TOP6BL: variants seen among roughly 807,000 people sequenced by gnomAD.
The protein encoded by TOP6BL is TOP6B like initiator of meiotic double strand breaks.
At chr11:66,791,716 AT>A in the TOP6BL span, among the ~76,000 whole-genome samples, 2 of 152,098 alleles carry the variant, frequency 1.3e-5, no homozygotes, top group African/African-American at 4.8e-5. Flanking sequence ...AAATAAGTAA[AT>A]TCACTGCTTC....
the TOP6BL span, among the ~76,000 whole-genome samples, chr11:66,758,721 G>A: frequency 6.6e-6 from 1 of 152,214 alleles, no homozygotes; most frequent in Non-Finnish European, 1.5e-5. Context: ...ATTACTAGCT[G>A]CAATTTGCAG....
the TOP6BL span, among the ~76,000 whole-genome samples, chr11:66,773,460 T>G: frequency 6.6e-6 from 1 of 152,204 alleles, no homozygotes; most frequent in African/African-American, 2.4e-5. Context: ...TTTTCCTTAT[T>G]ATCTTTCTAA....
At chr11:66,823,154 C>T in the TOP6BL span, among the ~76,000 whole-genome samples, 28 of 151,868 alleles carry the variant, frequency 1.8e-4, no homozygotes, top group Admixed American at 2.0e-4. Context: ...ATTAGCCAGT[C>T]GTGGTGGCAG....
chr11:66,753,001 C>T, the TOP6BL span, among the ~76,000 whole-genome samples: 3 of 151,912 alleles, frequency 2.0e-5, no homozygotes, highest in African/African-American at 7.2e-5. Flanking sequence ...TGGCAGTATG[C>T]GGCTGTAGTC....
the TOP6BL span, among the ~76,000 whole-genome samples, chr11:66,817,155 G>GAAATA: frequency 5.4e-4 from 82 of 151,642 alleles, no homozygotes; most frequent in Middle Eastern, 3.4e-3. Context: ...TCTGTCTCAA[G>GAAATA]AAATAAAATA....
the TOP6BL span, among the ~76,000 whole-genome samples, chr11:66,798,856 A>G: frequency 1.3e-5 from 2 of 150,056 alleles, no homozygotes; most frequent in Non-Finnish European, 3.0e-5. Context: ...GGTGGATCAC[A>G]AGGTCAGGAG....
the TOP6BL span, chr11:66,804,100 G>T: frequency 6.2e-7 from 1 of 1,613,976 alleles, no homozygotes; most frequent in South Asian, 1.1e-5. Flanking sequence ...GCATGGACTT[G>T]TTGGGAGAAC....
At chr11:66,819,361 A>G in the TOP6BL span, among the ~76,000 whole-genome samples, 1 of 152,218 alleles carries the variant, frequency 6.6e-6, no homozygotes, top group Non-Finnish European at 1.5e-5. Context: ...TCTGCTTTCA[A>G]AAGAGATCTG....
the TOP6BL span, among the ~76,000 whole-genome samples, chr11:66,841,976 G>A: frequency 3.3e-5 from 5 of 152,170 alleles, no homozygotes; most frequent in Admixed American, 3.3e-4. Context: ...ACTTTGGGGA[G>A]CTGGGGCGGG....
the TOP6BL span, chr11:66,815,815 AGTGCTG>A: frequency 2.5e-6 from 1 of 398,742 alleles, no homozygotes; most frequent in Non-Finnish European, 4.5e-6. Flanking sequence ...AATGTAAAGG[AGTGCTG>A]TTTGGCTTGC....
chr11:66,755,362 C>G, the TOP6BL span, among the ~76,000 whole-genome samples: 1 of 152,144 alleles, frequency 6.6e-6, no homozygotes, highest in Non-Finnish European at 1.5e-5. Flanking sequence ...CTCAGGTGAT[C>G]CACCTGCCTT....
chr11:66,763,870 C>T, the TOP6BL span, among the ~76,000 whole-genome samples: 3 of 152,162 alleles, frequency 2.0e-5, no homozygotes, highest in African/African-American at 4.8e-5. Context: ...CCTCCCAAAA[C>T]GTAGGGATTA....
chr11:66,795,333 G>T, the TOP6BL span, among the ~76,000 whole-genome samples: 7 of 142,618 alleles, frequency 4.9e-5, no homozygotes, highest in Non-Finnish European at 1.1e-4. Context: ...ACAGAGTCTA[G>T]CTCTGTCACC....
the TOP6BL span, among the ~76,000 whole-genome samples, chr11:66,840,783 G>A: frequency 7.9e-5 from 12 of 152,226 alleles, no homozygotes; most frequent in Admixed American, 5.9e-4. Context: ...GCTATGACTC[G>A]CCTGGTTTTT....
the TOP6BL span, chr11:66,758,241 A>G: frequency 1.7e-6 from 1 of 596,984 alleles, no homozygotes; most frequent in Non-Finnish European, 2.1e-6. Flanking sequence ...TAAAATTTCT[A>G]ATATTTATAG....
chr11:66,824,899 A>G, the TOP6BL span, among the ~76,000 whole-genome samples: 7 of 152,002 alleles, frequency 4.6e-5, no homozygotes, highest in Non-Finnish European at 5.9e-5. Flanking sequence ...TAGTGCCGCA[A>G]TAAACATATG....
the TOP6BL span, among the ~76,000 whole-genome samples, chr11:66,803,376 G>A: frequency 6.6e-6 from 1 of 152,196 alleles, no homozygotes; most frequent in Admixed American, 6.5e-5. Flanking sequence ...GAGGCCAGGA[G>A]TTTGAGACCA....
the TOP6BL span, among the ~76,000 whole-genome samples, chr11:66,815,539 C>T: frequency 1.3e-5 from 2 of 152,196 alleles, no homozygotes; most frequent in South Asian, 2.1e-4. Flanking sequence ...AGTTCCACCA[C>T]CTACTGGCTC....
chr11:66,833,858 G>T, the TOP6BL span, among the ~76,000 whole-genome samples: 1 of 151,816 alleles, frequency 6.6e-6, no homozygotes, highest in East Asian at 1.9e-4. Context: ...TGAGACATGA[G>T]AATCGCTTGA....
Sources: allele counts gnomAD v4.1 joint callset (sites outside exome capture counted in the v4.1 genomes callset), GRCh38; gene constraint gnomAD v4.1.1; transcripts MANE v1.5; gene names NCBI Gene and HGNC (gene_info 2026-07-23, HGNC 2026-07-21).